The following RASGRP2 variants were observed in gnomAD, a reference collection of about 807,000 sequenced individuals.
RASGRP2 encodes the protein RAS guanyl-releasing protein 2.
RASGRP2 carries 44 observed loss-of-function variants against 71.0 expected under a neutral mutation model. The observed-to-expected ratio is 0.62, with a 90% CI of 0.49 to 0.80. RASGRP2 has a LOEUF of 0.80. Ranked by LOEUF, RASGRP2 falls within the 30% of genes least tolerant of loss-of-function variation. RASGRP2 has a pLI of 0.00. For synonymous variants in RASGRP2, 350 were observed against 330.7 expected (o/e 1.06, Z -0.63); for missense variants, 663 against 813.4 (o/e 0.82, Z 2.25).
Position 64,742,982 on chromosome 11 carries a change from G to T in RASGRP2, c.-71-45C>A. The stretch of plus-strand genomic sequence containing the variant: ...GCGGGAGTCTGCGGAGTCGCGGGCG[G>T]GGGAGCGGCCCCGCGGGCAGAAACG... On this transcript the variant is annotated intron_variant, in intron 1 of 16. Transcript: ENST00000394432. The surrounding 1 kb of genome is among the most constrained non-coding windows in gnomAD (Gnocchi z 4.7). 6.6e-7 allele frequency: 1 copy of T among 1,508,416 alleles called. No individual in the cohort carries two copies. The highest frequency in any genetic ancestry group is 1.4e-5 in the African/African-American group (1 of 71,908). 93.4% of individuals were successfully genotyped at this position (1,508,416 alleles called of 1,614,324 possible).
chr11:64,735,875 G>C lies in RASGRP2; in HGVS notation c.1173+28C>G. 1 of 1,602,570 alleles carries C rather than the reference G, an allele frequency of 6.2e-7. No homozygotes were observed. The highest frequency in any genetic ancestry group is 8.5e-7 in the Non-Finnish European group (1 of 1,171,190). On this transcript the variant is annotated intron_variant, in intron 10 of 16. Coordinates refer to ENST00000394432, the MANE Select transcript of RASGRP2 (RefSeq NM_001098671.2). This position sits in a 1 kb window ranked among gnomAD's most constrained non-coding sequence, Gnocchi z 4.2. ...CTGGGATTCTCAGGAGGGAAGGGCA[G>C]AGTGGAGAGGAGGGAGTACCCCCTC...
intron 8 of RASGRP2, among the ~76,000 whole-genome samples, chr11:64,737,945 CT>C (rs2058000983): frequency 6.6e-6 from 1 of 151,690 alleles, no homozygotes; most frequent in African/African-American, 2.4e-5. Context: ...ACTCAGGAGG[CT>C]GAGGCACGAG....
At position 64,735,849 on chromosome 11, in the gene RASGRP2, C is replaced by G; in HGVS notation, c.1173+54G>C. 1 of 1,568,196 alleles carries G rather than the reference C, an allele frequency of 6.4e-7. No individual in the cohort carries two copies. Among genetic ancestry groups the G allele is most frequent in the South Asian group, 1.1e-5 (1 of 88,302 alleles). The stretch of plus-strand genomic sequence containing the variant: ...CTAAGAGCTCTTCCCATCCTCACAT[C>G]CTGGGATTCTCAGGAGGGAAGGGCA... On this transcript the variant is annotated intron_variant, in intron 10 of 16. Transcript: ENST00000394432. The surrounding 1 kb of genome is among the most constrained non-coding windows in gnomAD (Gnocchi z 4.2).
At chr11:64,730,509 G>A (rs1465280380) in intron 12 of RASGRP2, among the ~76,000 whole-genome samples, 1 of 152,168 alleles carries the variant, frequency 6.6e-6, no homozygotes, top group African/African-American at 2.4e-5. Context: ...TCGGGCTCCC[G>A]AAGTGTACTG....
intron 15 of RASGRP2, 138 bp downstream of exon 15, chr11:64,728,725 G>T (rs975947856): frequency 3.3e-5 from 33 of 1,004,850 alleles, no homozygotes; most frequent in Admixed American, 8.5e-5. Flanking sequence ...GAGCCACCGC[G>T]CCCGGCCTGT....
chr11:64,737,049 C>T lies in RASGRP2; in HGVS notation c.814-15G>A, dbSNP rs1302862954. ...CCCTCCCAGAGCTGGGGACAAAGGA[C>T]AGAGGAGTCATACCCCCACAACTAT... On this transcript the variant is annotated splice_polypyrimidine_tract_variant and intron_variant, in intron 8 of 16. Coordinates refer to ENST00000394432, the MANE Select transcript of RASGRP2 (RefSeq NM_001098671.2). The T allele has an allele frequency of 6.2e-7, 1 of 1,613,364 alleles. No homozygotes were observed.
intron 12 of RASGRP2, among the ~76,000 whole-genome samples, chr11:64,730,790 G>A (rs753674148): frequency 3.3e-5 from 5 of 152,216 alleles, no homozygotes; most frequent in Admixed American, 6.5e-5. Flanking sequence ...GACCTGTAGC[G>A]GAGTAATCTC....
At chr11:64,732,650 G>A (rs1396809930) in intron 12 of RASGRP2, among the ~76,000 whole-genome samples, 1 of 152,140 alleles carries the variant, frequency 6.6e-6, no homozygotes, top group Non-Finnish European at 1.5e-5. Context: ...GCACGGTGGT[G>A]GGTGCTTGTA....
At chr11:64,730,345 G>C (rs1046849434) in intron 12 of RASGRP2, 151 bp from the exon 13 acceptor site, 3 of 990,554 alleles carry the variant, frequency 3.0e-6, no homozygotes, top group African/African-American at 3.2e-5. Context: ...CTGGACTAGG[G>C]GTCAGGCAGA....
At chr11:64,738,536 A>G (rs2058020692) in intron 8 of RASGRP2, among the ~76,000 whole-genome samples, 1 of 152,064 alleles carries the variant, frequency 6.6e-6, no homozygotes, top group Non-Finnish European at 1.5e-5. Context: ...TCCTGAGTTC[A>G]AGTAATTCTC....
chr11:64,743,620 C>A lies in RASGRP2; in HGVS notation c.-72+383G>T. 1 of 412,862 alleles carries A rather than the reference C, an allele frequency of 2.4e-6. No individual in the cohort carries two copies. Among genetic ancestry groups the A allele is most frequent in the Admixed American group, 2.9e-5 (1 of 34,854 alleles). 25.6% of individuals were successfully genotyped at this position (412,862 alleles called of 1,614,324 possible). A position where few individuals can be genotyped will look rare whatever the true frequency, so the allele number is the denominator to read the frequency against. ...GCTCCCAGGCCACCTCCGCAAAGGT[C>A]CCAGGGGTCCCGGCTCAGCTTGTCC... is the stretch of plus-strand genomic sequence containing the variant. On this transcript the variant is annotated intron_variant, in intron 1 of 16. Transcript: ENST00000394432. The surrounding 1 kb of genome is among the most constrained non-coding windows in gnomAD (Gnocchi z 4.9).
chr11:64,731,359 G>GAA (rs542490938), intron 12 of RASGRP2, among the ~76,000 whole-genome samples: 19 of 89,988 alleles, frequency 2.1e-4, no homozygotes, highest in African/African-American at 7.4e-4. Context: ...CCCTGTCTCA[G>GAA]AAAAAAAAAA....
chr11:64,741,977 G>A (rs773206675), intron 3 of RASGRP2, 33 bp downstream of exon 3: 38 of 1,577,068 alleles, frequency 2.4e-5, no homozygotes, highest in Non-Finnish European at 3.0e-5. Flanking sequence ...GGGCTCCGAC[G>A]GCGGGGGCCT....
chr11:64,741,225 A>G (rs1254744287), intron 4 of RASGRP2, 146 bp from the exon 5 acceptor site: 5 of 1,183,288 alleles, frequency 4.2e-6, no homozygotes, highest in Admixed American at 4.0e-5. Flanking sequence ...CCAAGTGTAC[A>G]TTAGACCCTT....
At chr11:64,733,697 A>G (rs1414907373) in intron 12 of RASGRP2, among the ~76,000 whole-genome samples, 1 of 152,174 alleles carries the variant, frequency 6.6e-6, no homozygotes, top group Non-Finnish European at 1.5e-5. Flanking sequence ...ACAGACACCA[A>G]ACAAACAAAA....
In RASGRP2 at chr11:64,742,936, C is replaced by G; in HGVS notation, c.-70G>C. On this transcript the variant is annotated splice_region_variant and 5_prime_UTR_variant, in exon 2 of 17. Coordinates refer to ENST00000394432, the MANE Select transcript of RASGRP2 (RefSeq NM_001098671.2). The surrounding 1 kb of genome is among the most constrained non-coding windows in gnomAD (Gnocchi z 4.7). ...GCCTCCCACCGGGCTCGGACCGAAC[C>G]CCTGTCCCGGGAGAGGCAGAGCGGG... 6.5e-7 allele frequency: 1 copy of G among 1,533,740 alleles called. No individual in the cohort carries two copies. The highest frequency in any genetic ancestry group is 8.7e-7 in the Non-Finnish European group (1 of 1,144,982).
chr11:64,727,462 AC>A, intron 15 of RASGRP2, 102 bp from the exon 16 acceptor site: 1 of 1,018,412 alleles, frequency 9.8e-7, no homozygotes, highest in Non-Finnish European at 1.5e-6. Flanking sequence ...CCAGAAGCAG[AC>A]CCACCCACCA....
rs937396415 is a variant in RASGRP2 at position 64,742,524 on chromosome 11, C to T, written c.73+270G>A. ...GAGTTCCTCCGGATTCCCCGGGAGA[C>T]AGATAATGCCCCTCAAGTGTCAGAG... On this transcript the variant is annotated intron_variant, in intron 2 of 16. Coordinates refer to ENST00000394432, the MANE Select transcript of RASGRP2 (RefSeq NM_001098671.2). The surrounding 1 kb of genome is among the most constrained non-coding windows in gnomAD (Gnocchi z 4.7). 5.8e-5 allele frequency: 34 copies of T among 588,030 alleles called. No homozygotes were observed. Among genetic ancestry groups the T allele is most frequent in the African/African-American group, 1.1e-4 (6 of 53,576 alleles). 36.4% of individuals were successfully genotyped at this position (588,030 alleles called of 1,614,324 possible).
Position 64,729,062 on chromosome 11 carries a change from G to A in RASGRP2, c.1592-20C>T. ...CACAGGCTGGGGGAGAGCAAATGGA[G>A]AGCCAGCCAGGGACATTGGTCAGAA... On this transcript the variant is annotated intron_variant, in intron 14 of 16. Transcript: ENST00000394432. 1 of 1,578,902 alleles carries A rather than the reference G, an allele frequency of 6.3e-7. No homozygotes were observed. Among genetic ancestry groups the A allele is most frequent in the Non-Finnish European group, 8.6e-7 (1 of 1,168,760 alleles).
Sources: gnomAD v4.1 joint callset for allele counts (sites outside exome capture counted in the v4.1 genomes callset) on GRCh38, gnomAD v4.1.1 for gene constraint, Gnocchi (gnomAD v3.1) non-coding constraint, MANE v1.5 for transcripts, NCBI Gene and HGNC (gene_info 2026-07-23, HGNC 2026-07-21) for gene names.